The following KDM4C variants were observed in gnomAD, a reference collection of about 807,000 sequenced individuals.
KDM4C encodes the protein lysine demethylase 4C.
KDM4C carries 81 observed loss-of-function variants against 129.3 expected under a neutral mutation model. The ratio of observed to expected loss-of-function variants is 0.63; its 90% CI spans 0.52 to 0.75. The LOEUF (loss-of-function observed/expected upper bound fraction) is 0.75, where lower values mean the gene tolerates loss of function less well. Ranked by LOEUF, KDM4C falls within the 30% of genes least tolerant of loss-of-function variation. The pLI is 0.00. For synonymous variants in KDM4C, 573 were observed against 456.1 expected, an observed-to-expected ratio of 1.26 and a Z score of -3.26; for missense variants, 1,457 against 1,304.0, an observed-to-expected ratio of 1.12 and a Z score of -1.81.
chr9:6,773,747 G>T (rs1212741444), intron 1 of KDM4C, among the ~76,000 whole-genome samples: 1 of 150,424 alleles, frequency 6.6e-6, no homozygotes, highest in East Asian at 1.9e-4. Context: ...CCCTAGCCTG[G>T]GCGACAGAGT....
chr9:7,041,657 C>G (rs868459426), intron 15 of KDM4C, among the ~76,000 whole-genome samples: 6 of 151,734 alleles, frequency 4.0e-5, no homozygotes, highest in African/African-American at 1.5e-4. Flanking sequence ...TGCTTTTTCT[C>G]TTAGGTTCCT....
At chr9:6,744,377 T>C (rs1177495375) in intron 1 of KDM4C, among the ~76,000 whole-genome samples, 1 of 151,900 alleles carries the variant, frequency 6.6e-6, no homozygotes, top group Non-Finnish European at 1.5e-5. Context: ...CTACAAGAAT[T>C]AGCTGGGCAT....
chr9:7,124,945 T>C (rs1311834084), intron 18 of KDM4C, among the ~76,000 whole-genome samples: 2 of 152,160 alleles, frequency 1.3e-5, no homozygotes, highest in Non-Finnish European at 2.9e-5. Context: ...CGCAGTTCCT[T>C]TCTTCAGACC....
chr9:7,073,890 A>G (rs1833552214), intron 17 of KDM4C, among the ~76,000 whole-genome samples: 1 of 152,192 alleles, frequency 6.6e-6, no homozygotes, highest in African/African-American at 2.4e-5. Flanking sequence ...AGAGACGCAT[A>G]CATCTATCAT....
At chr9:6,992,934 C>T (rs1176714104) in intron 12 of KDM4C, among the ~76,000 whole-genome samples, 1 of 152,124 alleles carries the variant, frequency 6.6e-6, no homozygotes, top group African/African-American at 2.4e-5. Flanking sequence ...GTGACTTGGT[C>T]CAGGACCTCT....
chr9:6,757,655 T>G (rs1818451841), upstream of KDM4C: 1 of 985,340 alleles, frequency 1.0e-6, no homozygotes, highest in Admixed American at 6.2e-5. Context: ...TAGGTGCGCG[T>G]CGGCGCCCAG....
chr9:6,724,970 C>T lies in KDM4C; in HGVS notation c.49+3973C>T, dbSNP rs185743042. Among the ~76,000 whole-genome samples the T allele has an allele frequency of 8.5e-5, 13 of 152,296 alleles. No homozygotes were observed. In the East Asian group the frequency reaches 1.3e-3, roughly 16 times the overall value. ...CAAGGTGTTGGCAGGACTGCACTCC[C>T]TCCAGAGGCTCTGGGGGAGGATCGG... is the stretch of plus-strand genomic sequence containing the variant. On this transcript the variant is annotated intron_variant, in intron 1 of 17. Coordinates refer to the KDM4C transcript ENST00000536108.
chr9:6,738,631 G>C (rs1398217935), intron 1 of KDM4C, among the ~76,000 whole-genome samples: 1 of 152,072 alleles, frequency 6.6e-6, no homozygotes, highest in Non-Finnish European at 1.5e-5. Flanking sequence ...TCAAGACAGA[G>C]TCTCGCTCTG....
chr9:7,116,109 C>G (rs1323405), intron 18 of KDM4C, among the ~76,000 whole-genome samples: 1 of 151,918 alleles, frequency 6.6e-6, no homozygotes, highest in Admixed American at 6.6e-5. Context: ...CTTAGCCATT[C>G]CTGGGCAGAC....
intron 1 of KDM4C, among the ~76,000 whole-genome samples, chr9:6,764,207 G>A (rs1006367170): frequency 6.6e-6 from 1 of 152,194 alleles, no homozygotes; most frequent in Admixed American, 6.5e-5. Flanking sequence ...ACAATAGGCT[G>A]CCCAGTTGGA....
chr9:7,031,082 G>C (rs1177426949), intron 15 of KDM4C, among the ~76,000 whole-genome samples: 3 of 151,858 alleles, frequency 2.0e-5, no homozygotes, highest in African/African-American at 7.3e-5. Flanking sequence ...CATGAAATGG[G>C]TTTCCAACTT....
Position 6,814,320 on chromosome 9 carries a change from A to C in KDM4C, c.321-311A>C, listed in dbSNP as rs148173348. ...TATGTAAAATTTCTTAGCATAGTAT[A>C]GTTGATTAAAGATTTTAAAAATACT... is the stretch of plus-strand genomic sequence containing the variant. On this transcript the variant is annotated intron_variant, in intron 3 of 21. Coordinates refer to ENST00000381309, the MANE Select transcript of KDM4C (RefSeq NM_015061.6). 4.7e-3 allele frequency among the ~76,000 whole-genome samples: 721 copies of C among 152,172 alleles called. 7 individuals carry two copies. Among genetic ancestry groups the C allele is most frequent in the African/African-American group, 0.017 (699 of 41,452 alleles).
At chr9:6,800,261 G>T (rs1283727901) in intron 2 of KDM4C, among the ~76,000 whole-genome samples, 1 of 152,104 alleles carries the variant, frequency 6.6e-6, no homozygotes, top group African/African-American at 2.4e-5. Flanking sequence ...CAGCTCCTTG[G>T]GAGGCTGGGA....
At chr9:6,844,846 C>G (rs1287898567) in intron 4 of KDM4C, among the ~76,000 whole-genome samples, 1 of 152,142 alleles carries the variant, frequency 6.6e-6, no homozygotes, top group African/African-American at 2.4e-5. Context: ...TGCCACCACA[C>G]CCGGCTAATT....
intron 5 of KDM4C, among the ~76,000 whole-genome samples, chr9:6,858,626 A>G (rs1370380758): frequency 2.0e-5 from 3 of 152,136 alleles, no homozygotes; most frequent in Non-Finnish European, 4.4e-5. Context: ...ATGAAAAGTT[A>G]GCCGGGTGTG....
intron 19 of KDM4C, among the ~76,000 whole-genome samples, chr9:7,159,094 A>G (rs1226919825): frequency 1.3e-5 from 2 of 152,190 alleles, no homozygotes; most frequent in Admixed American, 6.5e-5. Context: ...CCATTATGTA[A>G]TGGCCTTCTT....
chr9:7,136,010 T>C (rs76362586), intron 19 of KDM4C, among the ~76,000 whole-genome samples: 1,815 of 152,336 alleles, frequency 0.012, 43 homozygotes, highest in African/African-American at 0.041. Flanking sequence ...GTGGAGGTTA[T>C]TGACAGTAAA....
At chr9:6,844,210 T>C (rs911570534) in intron 4 of KDM4C, among the ~76,000 whole-genome samples, 6 of 152,226 alleles carry the variant, frequency 3.9e-5, no homozygotes, top group Admixed American at 6.5e-5. Flanking sequence ...GTCTTCTCTT[T>C]TCCTAGTTTT....
intron 19 of KDM4C, among the ~76,000 whole-genome samples, chr9:7,159,047 A>G (rs895248270): frequency 1.3e-5 from 2 of 152,226 alleles, no homozygotes; most frequent in African/African-American, 4.8e-5. Flanking sequence ...ATATATATTT[A>G]GGAGAGTTAG....
Sources: allele counts gnomAD v4.1 joint callset (sites outside exome capture counted in the v4.1 genomes callset), GRCh38; gene constraint gnomAD v4.1.1; transcripts MANE v1.5; gene names NCBI Gene and HGNC (gene_info 2026-07-23, HGNC 2026-07-21).